CAPN2: variants seen among roughly 807,000 people sequenced by gnomAD.
CAPN2 encodes calpain-2 catalytic subunit.
A neutral mutation model predicts 102.3 loss-of-function variants in CAPN2; 92 were observed. The ratio of observed to expected loss-of-function variants is 0.90; its 90% CI spans 0.76 to 1.07. The LOEUF is 1.07. Ranked by LOEUF, CAPN2 falls within the 50% of genes least tolerant of loss-of-function variation. The probability of loss-of-function intolerance (pLI) is 0.00; values close to 1 mark genes in which losing one functional copy is unlikely to be tolerated. For missense variants in CAPN2, 800 were observed against 909.4 expected, an observed-to-expected ratio of 0.88 and a Z score of 1.55; for synonymous variants, 340 against 355.4, an observed-to-expected ratio of 0.96 and a Z score of 0.49.
intron 2 of CAPN2, among the ~76,000 whole-genome samples, chr1:223,718,807 A>G (rs1328802360): frequency 1.3e-5 from 2 of 152,210 alleles, no homozygotes; most frequent in African/African-American, 4.8e-5. Context: ...AACAGCTAAT[A>G]TGTATCTCTA....
intron 20 of CAPN2, among the ~76,000 whole-genome samples, chr1:223,773,480 G>A (rs61824003): frequency 0.12 from 17,534 of 152,114 alleles, 1,245 homozygotes; most frequent in African/African-American, 0.21. Flanking sequence ...AATCACCTGA[G>A]GTTGGGAGTT....
At chr1:223,768,619 G>A (rs1357094979) in intron 16 of CAPN2, among the ~76,000 whole-genome samples, 1 of 151,582 alleles carries the variant, frequency 6.6e-6, no homozygotes, top group Non-Finnish European at 1.5e-5. Context: ...GTCAGGTAGT[G>A]TGATGCCTCC....
chr1:223,741,879 C>A (rs1457254214), intron 2 of CAPN2, among the ~76,000 whole-genome samples: 1 of 152,134 alleles, frequency 6.6e-6, no homozygotes, highest in African/African-American at 2.4e-5. Context: ...TGGGTTTAAG[C>A]AGTTCTCCTG....
At position 223,712,580 on chromosome 1, in the gene CAPN2, C is replaced by G. The variant is rs545286774; in HGVS notation, c.-61C>G. 11 of 1,425,470 alleles carry G rather than the reference C, an allele frequency of 7.7e-6. 1 individual carries two copies. The African/African-American group carries it at 9.0e-5, about 12-fold the overall frequency. The allele number at this position is 1,425,470 out of a possible 1,614,324, so 88.3% of individuals were successfully genotyped here. The stretch of plus-strand genomic sequence containing the variant: ...CGCCGGGCCCTGGCCGCGCCCCAGC[C>G]GAGCGCAGCGCGGAGTCGCCCCGAC... On this transcript the variant is annotated 5_prime_UTR_variant, in exon 1 of 21. Transcript: ENST00000295006.
Position 223,726,031 on chromosome 1 carries a change from T to C in CAPN2, c.307+8200T>C, listed in dbSNP as rs1239555707. Among the ~76,000 whole-genome samples, 3 of 152,018 alleles carry C rather than the reference T, an allele frequency of 2.0e-5. No homozygotes were observed. The highest frequency in any genetic ancestry group is 2.9e-5 in the Non-Finnish European group (2 of 68,022). On this transcript the variant is annotated intron_variant, in intron 2 of 20. Transcript: ENST00000295006. The surrounding 1 kb of genome is among the most constrained non-coding windows in gnomAD (Gnocchi z 4.4). ...GGAGACCAGGATCCGAGTGAGAAAG[T>C]TTCCCACGTTCATTCTTGTTGGGCC...
chr1:223,702,909 A>G (rs947015297), intron 1 of CAPN2, among the ~76,000 whole-genome samples: 1 of 152,228 alleles, frequency 6.6e-6, no homozygotes, highest in African/African-American at 2.4e-5. Flanking sequence ...GGAGGGGTCC[A>G]TGGAAGCAGA....
Position 223,749,123 on chromosome 1 carries a change from G to T in CAPN2, c.813+1G>T, listed in dbSNP as rs746743653. 3 of 1,613,768 alleles carry T rather than the reference G, an allele frequency of 1.9e-6. No homozygotes were observed. Among genetic ancestry groups the T allele is most frequent in the Non-Finnish European group, 2.5e-6 (3 of 1,179,678 alleles). On this transcript the variant is annotated splice_donor_variant, in intron 6 of 20. Coordinates refer to ENST00000295006, the MANE Select transcript of CAPN2 (RefSeq NM_001748.5). LOFTEE classifies it high-confidence loss of function. ...GTACTCGGTCACCGGAGCCGAGGAGGTAACGGCCGGCGCGGATGTGCAGGG... is the reference window on the plus strand; with the variant it reads ...GTACTCGGTCACCGGAGCCGAGGAGTTAACGGCCGGCGCGGATGTGCAGGG...
chr1:223,771,797 A>G lies in CAPN2; in HGVS notation c.1904-12A>G. ...TGCTTAGCAATGAGTTTGTTTGTTC[A>G]TGTAACTTCAGGTTTCAAGATGCCC... is the stretch of plus-strand genomic sequence containing the variant. On this transcript the variant is annotated splice_polypyrimidine_tract_variant and intron_variant, in intron 18 of 20. Coordinates refer to ENST00000295006, the MANE Select transcript of CAPN2 (RefSeq NM_001748.5). 1.9e-6 allele frequency: 3 copies of G among 1,552,782 alleles called. No homozygotes were observed. Among genetic ancestry groups the G allele is most frequent in the Non-Finnish European group, 2.7e-6 (3 of 1,124,022 alleles).
chr1:223,707,834 C>T (rs1411435826), upstream of CAPN2, among the ~76,000 whole-genome samples: 9 of 152,136 alleles, frequency 5.9e-5, no homozygotes, highest in East Asian at 1.3e-3. Context: ...CCATTTGTTG[C>T]TAAAATGACT....
intron 15 of CAPN2, among the ~76,000 whole-genome samples, chr1:223,764,657 T>C (rs1434851480): frequency 1.3e-5 from 2 of 152,226 alleles, no homozygotes; most frequent in Admixed American, 6.5e-5. Flanking sequence ...TTTCACCATA[T>C]TGGCCAGGCT....
rs2102817084 is a variant in CAPN2, at chr1:223,770,512, A to G, written c.1890A>G (p.Ala630=). ...TGAATTCCTATGAAATGCGGAAGGC[A>G]TTAGAAGAAGCAGGTAACCCTTTAT... ...GTMNSYEMRK[A]LEEAGFKMPC... is the part of the protein sequence containing the mutation. The change falls in exon 18 of 21, where the codon GCA becomes GCG. Residue 630 remains alanine, a synonymous_variant. Coordinates refer to ENST00000295006, the MANE Select transcript of CAPN2 (RefSeq NM_001748.5). The G allele has an allele frequency of 6.2e-7, 1 of 1,613,004 alleles. No individual in the cohort carries two copies.
At chr1:223,714,160 C>T (rs1265769837) in intron 1 of CAPN2, among the ~76,000 whole-genome samples, 3 of 152,194 alleles carry the variant, frequency 2.0e-5, no homozygotes, top group African/African-American at 7.2e-5. Context: ...TTCTCTGTCA[C>T]CCCACTCATT....
intron 5 of CAPN2, among the ~76,000 whole-genome samples, chr1:223,747,721 TGAGGGAACTTCAGA>T (rs1460642364): frequency 3.3e-5 from 5 of 152,088 alleles, no homozygotes; most frequent in African/African-American, 1.2e-4. Flanking sequence ...TTTAGGCAGG[TGAGGGAACTTCAGA>T]GAATAGCTTC....
chr1:223,757,398 C>A lies in CAPN2; in HGVS notation c.1317+18C>A, dbSNP rs755875141. On this transcript the variant is annotated intron_variant, in intron 11 of 20. Transcript: ENST00000295006. ...CAGAGGAGGTACGTCTGGCCCATGTCCCGGGGTGCTCAGGTCACCAAAAAA... is the reference window on the plus strand; with the variant it reads ...CAGAGGAGGTACGTCTGGCCCATGTACCGGGGTGCTCAGGTCACCAAAAAA... 5.0e-6 allele frequency: 8 copies of A among 1,614,058 alleles called. No individual in the cohort carries two copies. Among genetic ancestry groups the A allele is most frequent in the Non-Finnish European group, 6.8e-6 (8 of 1,179,956 alleles).
intron 8 of CAPN2, 47 bp from the exon 9 acceptor site, chr1:223,752,749 C>T (rs1239075434): frequency 6.3e-7 from 1 of 1,598,276 alleles, no homozygotes; most frequent in African/African-American, 1.3e-5. Context: ...CAAGGCTTAC[C>T]AGTGTGTCTT....
intron 20 of CAPN2, chr1:223,773,206 C>T (rs985851815): frequency 6.6e-6 from 1 of 152,208 alleles, no homozygotes; most frequent in Non-Finnish European, 1.5e-5. Flanking sequence ...CTTTACATAT[C>T]CTAGGAAATA....
chr1:223,764,353 A>G (rs1321592262), intron 15 of CAPN2, 146 bp downstream of exon 15: 6 of 682,426 alleles, frequency 8.8e-6, no homozygotes, highest in Admixed American at 8.7e-5. Context: ...AAGGATTTGT[A>G]TGATGTGATG....
rs115952713 is a variant in CAPN2 at position 223,718,041 on chromosome 1, C to T, written c.307+210C>T. ...CACACAAATGAGGCCTCCTGTGTCC[C>T]CTGCACAGGGCTAGTTGCTGAGGTT... On this transcript the variant is annotated intron_variant, in intron 2 of 20. Transcript: ENST00000295006. Among the ~76,000 whole-genome samples the T allele has an allele frequency of 6.4e-3, 981 of 152,360 alleles. 10 individuals carry two copies. Among genetic ancestry groups the T allele is most frequent in the Middle Eastern group, 0.024 (7 of 294 alleles).
At chr1:223,708,681 G>T (rs564513886), upstream of CAPN2, among the ~76,000 whole-genome samples, 1 of 151,712 alleles carries the variant, frequency 6.6e-6, no homozygotes, top group South Asian at 2.1e-4. Context: ...TGAGGCAGGA[G>T]AATCACTTGC....
Sources: allele counts gnomAD v4.1 joint callset (sites outside exome capture counted in the v4.1 genomes callset), GRCh38; gene constraint gnomAD v4.1.1; non-coding constraint Gnocchi (gnomAD v3.1); transcripts MANE v1.5; gene names NCBI Gene and HGNC (gene_info 2026-07-23, HGNC 2026-07-21).